SUGCT: variants seen among roughly 807,000 people sequenced by gnomAD.
The protein encoded by SUGCT is succinyl-CoA:glutarate-CoA transferase, also known as succinyl-CoA:glutarate CoA-transferase.
SUGCT carries 41 observed loss-of-function variants against 55.0 expected under a neutral mutation model. The observed-to-expected ratio is 0.74, with a 90% CI of 0.58 to 0.97. The LOEUF (loss-of-function observed/expected upper bound fraction) is 0.97. Among genes scored for constraint, SUGCT ranks in the 50% least tolerant of loss-of-function variants. The pLI is 0.00. For missense variants in SUGCT, 568 were observed against 547.8 expected (o/e 1.04, Z -0.37); for synonymous variants, 187 against 200.4 (o/e 0.93, Z 0.56).
intron 12 of SUGCT, among the ~76,000 whole-genome samples, chr7:40,546,107 C>CT: frequency 6.6e-6 from 1 of 152,282 alleles, no homozygotes; most frequent in East Asian, 1.9e-4. Flanking sequence ...TAACAACACT[C>CT]TTTCCTCCTG....
chr7:40,912,285 T>C, the SUGCT span, among the ~76,000 whole-genome samples: 2 of 152,232 alleles, frequency 1.3e-5, no homozygotes, highest in African/African-American at 4.8e-5. Flanking sequence ...TTTATGGTAC[T>C]GGGGTCAAAA....
the SUGCT span, among the ~76,000 whole-genome samples, chr7:40,888,456 A>T: frequency 6.6e-6 from 1 of 152,136 alleles, no homozygotes; most frequent in Non-Finnish European, 1.5e-5. Flanking sequence ...TCCAAAAAAA[A>T]AAAAAAGAAG....
the SUGCT span, among the ~76,000 whole-genome samples, chr7:40,898,246 C>T: frequency 1.6e-4 from 25 of 152,168 alleles, no homozygotes; most frequent in East Asian, 1.9e-4. Context: ...AGCTTTCACT[C>T]GTGAGTTCAG....
At chr7:40,978,971 G>C in the SUGCT span, among the ~76,000 whole-genome samples, 1 of 152,180 alleles carries the variant, frequency 6.6e-6, no homozygotes, top group African/African-American at 2.4e-5. Context: ...TTGGCTGACA[G>C]CTCTAGTTGC....
At chr7:41,016,779 C>G in the SUGCT span, among the ~76,000 whole-genome samples, 1 of 152,190 alleles carries the variant, frequency 6.6e-6, no homozygotes, top group Non-Finnish European at 1.5e-5. Flanking sequence ...CCCAGGATCT[C>G]CCATTCTAAT....
chr7:40,643,475 G>A (rs1467623266), intron 12 of SUGCT, among the ~76,000 whole-genome samples: 3 of 152,142 alleles, frequency 2.0e-5, no homozygotes, highest in Non-Finnish European at 4.4e-5. Context: ...GAGGAGAGGG[G>A]AGTCCTCTTA....
chr7:40,179,164 A>G (rs563331069), intron 1 of SUGCT, among the ~76,000 whole-genome samples: 7 of 152,210 alleles, frequency 4.6e-5, no homozygotes, highest in African/African-American at 7.2e-5. Flanking sequence ...TCTCACTGCT[A>G]TAACAGGTTA....
the SUGCT span, chr7:40,966,385 T>A: frequency 4.6e-5 from 7 of 152,206 alleles, no homozygotes; most frequent in South Asian, 1.2e-3. Context: ...ATAATAGCAA[T>A]GTTTTCTTTC....
chr7:40,973,084 A>G, the SUGCT span, among the ~76,000 whole-genome samples: 234 of 152,242 alleles, frequency 1.5e-3, no homozygotes, highest in African/African-American at 5.3e-3. Context: ...GATTGGTGTC[A>G]AGCTGAAAAT....
chr7:40,598,291 C>T (rs1798123434), intron 12 of SUGCT, among the ~76,000 whole-genome samples: 1 of 152,168 alleles, frequency 6.6e-6, no homozygotes, highest in African/African-American at 2.4e-5. Context: ...CCCTCTCTAC[C>T]AGTAGACTAT....
intron 11 of SUGCT, among the ~76,000 whole-genome samples, chr7:40,493,082 A>G (rs1384336045): frequency 2.0e-5 from 3 of 152,234 alleles, no homozygotes; most frequent in South Asian, 4.1e-4. Flanking sequence ...GTGACCATAT[A>G]TAATGAATAA....
At chr7:40,457,399 G>A (rs1056929970) in intron 10 of SUGCT, among the ~76,000 whole-genome samples, 2 of 151,906 alleles carry the variant, frequency 1.3e-5, no homozygotes, top group African/African-American at 2.4e-5. Context: ...AGCTGAGATC[G>A]TGCCCCTGCA....
chr7:40,485,410 A>G (rs571671374), intron 11 of SUGCT, among the ~76,000 whole-genome samples: 198 of 145,454 alleles, frequency 1.4e-3, no homozygotes, highest in Non-Finnish European at 2.2e-3. Flanking sequence ...ATATATCTAT[A>G]TACATTCTTT....
intron 13 of SUGCT, chr7:40,775,777 C>A (rs1321209370): frequency 1.3e-5 from 2 of 152,212 alleles, no homozygotes; most frequent in Non-Finnish European, 2.9e-5. Flanking sequence ...TAGGTGCAAT[C>A]TTTGAAATTC....
chr7:40,186,688 A>C (rs961628278), intron 3 of SUGCT, among the ~76,000 whole-genome samples: 3 of 152,204 alleles, frequency 2.0e-5, no homozygotes, highest in African/African-American at 7.2e-5. Context: ...GTGTGCCTGC[A>C]GGGCCAGGCA....
At position 40,191,050 on chromosome 7, in the gene SUGCT, C is replaced by T. The variant is rs368999488; in HGVS notation, c.363+1456C>T. Among the ~76,000 whole-genome samples, 61 of 152,108 alleles carry T rather than the reference C, an allele frequency of 4.0e-4. 1 individual carries two copies. The South Asian group carries it at 0.012, about 31-fold the overall frequency. On this transcript the variant is annotated intron_variant, in intron 5 of 13. Coordinates refer to ENST00000335693, the MANE Select transcript of SUGCT (RefSeq NM_001193313.2). The stretch of plus-strand genomic sequence containing the variant: ...TATTTATTTAGAGACAGAGTCTTGC[C>T]GTGTCACCCAGGCTGGAGTGCAGTG...
chr7:40,238,794 T>C (rs1789173918), intron 7 of SUGCT, among the ~76,000 whole-genome samples: 1 of 151,032 alleles, frequency 6.6e-6, no homozygotes, highest in South Asian at 2.1e-4. Flanking sequence ...TTTTCACAAG[T>C]CTTAGAAAAA....
the SUGCT span, among the ~76,000 whole-genome samples, chr7:40,957,774 T>C: frequency 6.6e-6 from 1 of 152,138 alleles, no homozygotes; most frequent in Admixed American, 6.5e-5. Context: ...ACTTTACATT[T>C]TTGTATGTTG....
chr7:40,294,958 G>T (rs192458307), intron 8 of SUGCT, among the ~76,000 whole-genome samples: 4 of 152,216 alleles, frequency 2.6e-5, no homozygotes, highest in Admixed American at 6.5e-5. Context: ...AAGTAGTTCT[G>T]TGGTGAAGGG....
Sources: allele counts gnomAD v4.1 joint callset (sites outside exome capture counted in the v4.1 genomes callset), GRCh38; gene constraint gnomAD v4.1.1; transcripts MANE v1.5; gene names NCBI Gene and HGNC (gene_info 2026-07-23, HGNC 2026-07-21).